Variants in AFF3 observed in about 807,000 individuals in gnomAD.
The protein encoded by AFF3 is ALF transcription elongation factor 3, also known as AF4/FMR2 family member 3.
A neutral mutation model predicts 129.7 loss-of-function variants in AFF3; 32 were observed. The ratio of observed to expected loss-of-function variants is 0.25; its 90% CI spans 0.19 to 0.33. The LOEUF (loss-of-function observed/expected upper bound fraction) is 0.33, where lower values mean the gene tolerates loss of function less well. Ranked by LOEUF, AFF3 falls within the 10% of genes least tolerant of loss-of-function variation. AFF3 has a pLI of 1.00. For missense variants in AFF3, 1,373 were observed against 1,592.0 expected, an observed-to-expected ratio of 0.86 and a Z score of 2.34; for synonymous variants, 644 against 635.4, an observed-to-expected ratio of 1.01 and a Z score of -0.20.
At chr2:99,586,664 T>C (rs1678150191) in intron 16 of AFF3, among the ~76,000 whole-genome samples, 1 of 152,140 alleles carries the variant, frequency 6.6e-6, no homozygotes, top group African/African-American at 2.4e-5. Flanking sequence ...ATCTGGAACC[T>C]CTTGAGAGGA....
intron 13 of AFF3, among the ~76,000 whole-genome samples, chr2:99,622,489 A>G (rs1309760423): frequency 6.6e-6 from 1 of 152,258 alleles, no homozygotes; most frequent in Non-Finnish European, 1.5e-5. Flanking sequence ...AGAAGGGGGA[A>G]TGAAATAAAC....
At chr2:99,844,959 T>TA (rs370587161) in intron 7 of AFF3, among the ~76,000 whole-genome samples, 38 of 142,170 alleles carry the variant, frequency 2.7e-4, no homozygotes, top group African/African-American at 4.6e-4. Flanking sequence ...ACCAATACAC[T>TA]AAAAAAAAAA....
intron 4 of AFF3, among the ~76,000 whole-genome samples, chr2:100,016,115 T>TGAC (rs1683019885): frequency 6.7e-6 from 1 of 150,362 alleles, no homozygotes; most frequent in Admixed American, 6.6e-5. Flanking sequence ...GTGGTGGTGG[T>TGAC]AGCAATGGTG....
At chr2:99,713,001 G>A (rs1439779918) in intron 11 of AFF3, among the ~76,000 whole-genome samples, 1 of 152,178 alleles carries the variant, frequency 6.6e-6, no homozygotes, top group East Asian at 1.9e-4. Context: ...GACAAATACT[G>A]TATGATTCCA....
chr2:99,801,903 A>G (rs1020149487), intron 8 of AFF3, among the ~76,000 whole-genome samples: 1 of 152,230 alleles, frequency 6.6e-6, no homozygotes, highest in African/African-American at 2.4e-5. Context: ...TCTTCCCATA[A>G]GCACCTCCCA....
Position 99,594,260 on chromosome 2 carries a change from C to T in AFF3, c.1401G>A (p.Gln467=), listed in dbSNP as rs779167381. ...TAACTTTGTTTAGCCATTTATCCAG[C>T]TGCCACTTGTTAGAGGATGCCGGTT... ...EAEPASSNKW[Q]LDKWLNKVNP... Residue 467 remains glutamine, a synonymous_variant, in exon 15 of 25, where the codon CAG becomes CAA. Coordinates refer to ENST00000672756, the MANE Select transcript of AFF3 (RefSeq NM_001386135.1). 8 of 1,611,258 alleles carry T rather than the reference C, an allele frequency of 5.0e-6. No individual in the cohort carries two copies. In the Admixed American group the frequency reaches 1.3e-4, roughly 27 times the overall value.
At chr2:99,655,194 TG>T in intron 12 of AFF3, among the ~76,000 whole-genome samples, 1 of 145,242 alleles carries the variant, frequency 6.9e-6, no homozygotes, top group African/African-American at 2.6e-5. Flanking sequence ...TGTCTAGAGG[TG>T]GGGCAGACAT....
intron 7 of AFF3, among the ~76,000 whole-genome samples, chr2:99,965,189 A>G (rs1404967525): frequency 5.3e-5 from 8 of 152,208 alleles, no homozygotes; most frequent in Non-Finnish European, 1.0e-4. Flanking sequence ...TGTTAGACAT[A>G]TAAGACTAGA....
Position 99,660,143 on chromosome 2 carries a change from A to G in AFF3, c.1144-10477T>C, listed in dbSNP as rs78129481. On this transcript the variant is annotated intron_variant, in intron 12 of 24. Coordinates refer to ENST00000672756, the MANE Select transcript of AFF3 (RefSeq NM_001386135.1). ...TAAAAAGTCCTTATGCTATCGCAATATGATGCTTTGGTAGAGTCCTGTCCA... is the reference window on the plus strand; with the variant it reads ...TAAAAAGTCCTTATGCTATCGCAATGTGATGCTTTGGTAGAGTCCTGTCCA... 1.2e-3 allele frequency among the ~76,000 whole-genome samples: 181 copies of G among 152,336 alleles called. 1 individual carries two copies. Among genetic ancestry groups the G allele is most frequent in the African/African-American group, 4.3e-3 (177 of 41,586 alleles).
chr2:99,703,368 G>A (rs1558766160), intron 11 of AFF3, among the ~76,000 whole-genome samples: 1 of 152,112 alleles, frequency 6.6e-6, no homozygotes, highest in Non-Finnish European at 1.5e-5. Context: ...TACGGTGGGG[G>A]GCATTATTCT....
intron 7 of AFF3, among the ~76,000 whole-genome samples, chr2:99,998,166 C>T (rs1347198088): frequency 1.3e-5 from 2 of 152,248 alleles, no homozygotes; most frequent in East Asian, 3.9e-4. Context: ...GTAAGGACCT[C>T]GTAGGTACGA....
intron 11 of AFF3, among the ~76,000 whole-genome samples, chr2:99,703,645 CTT>C (rs35535652): frequency 3.4e-5 from 5 of 146,964 alleles, no homozygotes; most frequent in African/African-American, 7.5e-5. Flanking sequence ...TCATTTCTCT[CTT>C]TTTTTTTTTC....
rs181430082 is a variant in AFF3 at position 99,942,198 on chromosome 2, C to T, written c.873+64434G>A. The stretch of plus-strand genomic sequence containing the variant: ...ACAGCTCACGCCCTCAAGCAAATGA[C>T]GATCTGCTGGAGGACACACTCAGGA... On this transcript the variant is annotated intron_variant, in intron 7 of 24. Transcript: ENST00000672756. Among the ~76,000 whole-genome samples, 5 of 152,190 alleles carry T rather than the reference C, an allele frequency of 3.3e-5. 1 individual carries two copies. Among genetic ancestry groups the T allele is most frequent in the Admixed American group, 1.3e-4 (2 of 15,294 alleles).
intron 4 of AFF3, among the ~76,000 whole-genome samples, chr2:100,081,973 C>G (rs1463735759): frequency 6.6e-6 from 1 of 152,170 alleles, no homozygotes; most frequent in East Asian, 1.9e-4. Context: ...GAGATGTAAT[C>G]TCACAGAAAG....
At chr2:100,077,078 G>A (rs55982857) in intron 4 of AFF3, among the ~76,000 whole-genome samples, 8,217 of 152,070 alleles carry the variant, frequency 0.054, 631 homozygotes, top group African/African-American at 0.17. Flanking sequence ...GTGAAACCCT[G>A]TCTCTACTAA....
At chr2:99,869,861 T>C (rs561610893) in intron 7 of AFF3, among the ~76,000 whole-genome samples, 2 of 152,340 alleles carry the variant, frequency 1.3e-5, no homozygotes, top group Admixed American at 1.3e-4. Context: ...GCGATTTTCA[T>C]GCTGTTCCTG....
At chr2:100,026,464 T>C (rs1311721810) in intron 4 of AFF3, among the ~76,000 whole-genome samples, 17 of 152,250 alleles carry the variant, frequency 1.1e-4, no homozygotes, top group East Asian at 3.9e-4. Flanking sequence ...TGTAAACTGG[T>C]ACAGCCACTA....
intron 8 of AFF3, among the ~76,000 whole-genome samples, chr2:99,772,884 G>A (rs937502872): frequency 6.6e-6 from 1 of 152,204 alleles, no homozygotes; most frequent in Non-Finnish European, 1.5e-5. Flanking sequence ...GAGGGTTTGT[G>A]GCTGCTTGTT....
intron 11 of AFF3, among the ~76,000 whole-genome samples, chr2:99,693,695 A>G (rs1675899824): frequency 6.6e-6 from 1 of 152,156 alleles, no homozygotes; most frequent in South Asian, 2.1e-4. Context: ...TACTTTTTCT[A>G]TCTTTCCCTT....
Sources: gnomAD v4.1 joint callset for allele counts (sites outside exome capture counted in the v4.1 genomes callset) on GRCh38, gnomAD v4.1.1 for gene constraint, MANE v1.5 for transcripts, NCBI Gene and HGNC (gene_info 2026-07-23, HGNC 2026-07-21) for gene names.